The following SLC12A7 variants were observed in gnomAD, a reference collection of about 807,000 sequenced individuals.
SLC12A7 encodes solute carrier family 12 member 7.
A neutral mutation model predicts 120.6 loss-of-function variants in SLC12A7; 100 were observed. That is an observed-to-expected ratio of 0.83 (90% CI 0.71 to 0.98). The LOEUF (loss-of-function observed/expected upper bound fraction) is 0.98. Among genes scored for constraint, SLC12A7 ranks in the 50% least tolerant of loss-of-function variants. The pLI is 0.00. For synonymous variants in SLC12A7, 760 were observed against 678.0 expected, an observed-to-expected ratio of 1.12 and a Z score of -1.88; for missense variants, 1,373 against 1,548.1, an observed-to-expected ratio of 0.89 and a Z score of 1.90.
intron 16 of SLC12A7, among the ~76,000 whole-genome samples, chr5:1,074,258 G>A (rs1021924405): frequency 5.9e-5 from 9 of 151,972 alleles, no homozygotes; most frequent in South Asian, 2.1e-4. Context: ...TGAGGCCCCC[G>A]CCGAGGCCCT....
At chr5:1,148,774 G>T in the SLC12A7 span, among the ~76,000 whole-genome samples, 3 of 152,170 alleles carry the variant, frequency 2.0e-5, no homozygotes, top group East Asian at 1.9e-4. Context: ...AAAGCAGAGG[G>T]ACTTCCTTTG....
At chr5:1,062,336 A>G (rs1172796982) in intron 20 of SLC12A7, among the ~76,000 whole-genome samples, 1 of 152,238 alleles carries the variant, frequency 6.6e-6, no homozygotes, top group East Asian at 1.9e-4. Context: ...TACGACTATT[A>G]GCACCAATAA....
chr5:1,085,741 A>G (rs1363963023), intron 6 of SLC12A7, among the ~76,000 whole-genome samples: 1 of 152,166 alleles, frequency 6.6e-6, no homozygotes, highest in Non-Finnish European at 1.5e-5. Context: ...CGCACAGGCC[A>G]TGGACAGCCA....
At chr5:1,074,781 G>A (rs747741139) in intron 15 of SLC12A7, 110 bp from the exon 16 acceptor site, 123 of 1,006,810 alleles carry the variant, frequency 1.2e-4, no homozygotes, top group Non-Finnish European at 1.6e-4. Flanking sequence ...AGGACCCCCA[G>A]GAAAAGTCCC....
At chr5:1,108,052 C>CCACAGCACACAGCTGTGCAAGAG (rs1561114415) in intron 1 of SLC12A7, among the ~76,000 whole-genome samples, 2 of 92,526 alleles carry the variant, frequency 2.2e-5, no homozygotes, top group East Asian at 5.5e-4. Flanking sequence ...GTGAGCATGC[C>CCACAGCACACAGCTGTGCAAGAG]CACAGCACAC....
At chr5:1,084,255 G>A (rs927275835) in intron 7 of SLC12A7, among the ~76,000 whole-genome samples, 1 of 152,180 alleles carries the variant, frequency 6.6e-6, no homozygotes, top group Non-Finnish European at 1.5e-5. Context: ...CCATGGTTCG[G>A]CCACCCGTGG....
At chr5:1,155,385 C>T in the SLC12A7 span, among the ~76,000 whole-genome samples, 1 of 152,146 alleles carries the variant, frequency 6.6e-6, no homozygotes, top group Admixed American at 6.5e-5. Flanking sequence ...TCTGCAGCCG[C>T]GGGAACAGCG....
At chr5:1,141,040 G>A in the SLC12A7 span, among the ~76,000 whole-genome samples, 2 of 152,216 alleles carry the variant, frequency 1.3e-5, no homozygotes, top group Non-Finnish European at 2.9e-5. Context: ...GGAAATGAGT[G>A]CAGCCAGGCT....
intron 21 of SLC12A7, among the ~76,000 whole-genome samples, chr5:1,059,188 C>T (rs1735931602): frequency 6.6e-6 from 1 of 152,236 alleles, no homozygotes; most frequent in Non-Finnish European, 1.5e-5. Context: ...GGGTCTCTGT[C>T]CACGGACAAG....
intron 22 of SLC12A7, among the ~76,000 whole-genome samples, chr5:1,055,312 C>T (rs181708251): frequency 1.3e-5 from 2 of 152,374 alleles, no homozygotes; most frequent in African/African-American, 2.4e-5. Context: ...TGCACACTAA[C>T]GTACGTGGAC....
chr5:1,138,792 G>A, the SLC12A7 span, among the ~76,000 whole-genome samples: 1 of 152,218 alleles, frequency 6.6e-6, no homozygotes, highest in African/African-American at 2.4e-5. Flanking sequence ...TCCAGAGAGA[G>A]GCCCAGGAAG....
In SLC12A7 at chr5:1,082,816, A is replaced by G. The variant is rs1398231195; in HGVS notation, c.1129+929T>C. The stretch of plus-strand genomic sequence containing the variant: ...TCCCGTCTCAGGTTCTGGAAAGTCC[A>G]GGCTTCCCGTCTTGGGTTCTGGAAA... On this transcript the variant is annotated intron_variant, in intron 8 of 23. Transcript: ENST00000264930. Among the ~76,000 whole-genome samples the G allele has an allele frequency of 9.7e-4, 89 of 91,742 alleles. 2 individuals carry two copies. The highest frequency in any genetic ancestry group is 2.9e-3 in the African/African-American group (70 of 23,782). 60.2% of individuals were successfully genotyped at this position (91,742 alleles called of 152,430 possible). A position where few individuals can be genotyped will look rare whatever the true frequency, so the allele number is the denominator to read the frequency against.
chr5:1,080,827 G>A (rs1042105498), intron 9 of SLC12A7, among the ~76,000 whole-genome samples: 23 of 152,336 alleles, frequency 1.5e-4, no homozygotes, highest in African/African-American at 4.3e-4. Context: ...CCTGCCAGGT[G>A]TTCCCAGCAA....
chr5:1,114,739 G>A (rs1242311868), upstream of SLC12A7, among the ~76,000 whole-genome samples: 1 of 152,096 alleles, frequency 6.6e-6, no homozygotes, highest in African/African-American at 2.4e-5. Context: ...TGGGATCCGG[G>A]TCCAGTCCCC....
At chr5:1,089,905 G>A (rs1336727077) in intron 3 of SLC12A7, among the ~76,000 whole-genome samples, 1 of 152,252 alleles carries the variant, frequency 6.6e-6, no homozygotes, top group Non-Finnish European at 1.5e-5. Flanking sequence ...TGCCTGCTCA[G>A]CCCCACTCCC....
chr5:1,053,033 G>C (rs927648762), intron 23 of SLC12A7, among the ~76,000 whole-genome samples: 1 of 152,222 alleles, frequency 6.6e-6, no homozygotes, highest in Non-Finnish European at 1.5e-5. Flanking sequence ...GGAGGTCCCA[G>C]AATGCACAGC....
the SLC12A7 span, among the ~76,000 whole-genome samples, chr5:1,122,639 G>A: frequency 7.2e-5 from 11 of 152,152 alleles, no homozygotes; most frequent in African/African-American, 2.2e-4. Flanking sequence ...GCCATTCTGC[G>A]TTCGGTCTCT....
the SLC12A7 span, among the ~76,000 whole-genome samples, chr5:1,124,540 G>A: frequency 6.6e-6 from 1 of 152,184 alleles, no homozygotes; most frequent in Non-Finnish European, 1.5e-5. Context: ...CCAAGTGGAA[G>A]GAAAATGGTT....
chr5:1,102,006 A>G (rs1306447128), intron 1 of SLC12A7, among the ~76,000 whole-genome samples: 1 of 152,112 alleles, frequency 6.6e-6, no homozygotes, highest in African/African-American at 2.4e-5. Flanking sequence ...TTTTCACTCT[A>G]GGTTAGTTTT....
Sources: allele counts gnomAD v4.1 joint callset (sites outside exome capture counted in the v4.1 genomes callset), GRCh38; gene constraint gnomAD v4.1.1; transcripts MANE v1.5; gene names NCBI Gene and HGNC (gene_info 2026-07-23, HGNC 2026-07-21).